Variants in E4F1 observed in about 807,000 individuals in gnomAD.
E4F1 encodes transcription factor E4F1.
E4F1 carries 30 observed loss-of-function variants against 72.9 expected under a neutral mutation model. That is an observed-to-expected ratio of 0.41 (90% CI 0.31 to 0.56). The LOEUF is 0.56. Ranked by LOEUF, E4F1 falls within the 20% of genes least tolerant of loss-of-function variation. The pLI is 0.25. For missense variants in E4F1, 1,091 were observed against 1,117.5 expected (o/e 0.98, Z 0.34); for synonymous variants, 542 against 478.2 (o/e 1.13, Z -1.74).
chr16:2,233,359 C>T, intron 7 of E4F1, 79 bp from the exon 8 acceptor site: 9 of 1,434,606 alleles, frequency 6.3e-6, no homozygotes, highest in Non-Finnish European at 8.3e-6. Flanking sequence ...CACAAGGCTC[C>T]TGGCGTGCGT....
In E4F1 at chr16:2,235,495, G is replaced by A. The variant is rs1174917633; in HGVS notation, c.2278G>A (p.Glu760Lys). 1 of 1,610,476 alleles carries A rather than the reference G, an allele frequency of 6.2e-7. No individual in the cohort carries two copies. Among genetic ancestry groups the A allele is most frequent in the Non-Finnish European group, 8.5e-7 (1 of 1,178,192 alleles). The change falls in exon 14 of 14, where the codon GAG (glutamate) becomes AAG (lysine). Residue 760 changes from glutamate (E) to lysine (K), a missense_variant. Physicochemically the swap from Glu to Lys is moderately conservative, Grantham distance 56. This residue lies in a region of E4F1 where 622 missense variants were observed against 628.0 expected (regional missense o/e 0.99). Coordinates refer to ENST00000301727, the MANE Select transcript of E4F1 (RefSeq NM_004424.5). ...TVTMVSSEDIEILEHAGELVI... is the reference protein window; with the variant it reads ...TVTMVSSEDIKILEHAGELVI... Reference sequence around the variant, plus strand: ...GACCATGGTGTCATCAGAGGACATCGAGATCCTGGAGCATGCAGGCGAGCT... The same window carrying A: ...GACCATGGTGTCATCAGAGGACATCAAGATCCTGGAGCATGCAGGCGAGCT...
In E4F1 at chr16:2,232,298, G is replaced by C. The variant is rs753059691; in HGVS notation, c.543G>C (p.Gln181His). Reference sequence around the variant, plus strand: ...TCGCAGGGGAGGGTGAGCAGGCCCAGGTGAAGCTACTGGTGAACAAGGATG... The same window carrying C: ...TCGCAGGGGAGGGTGAGCAGGCCCACGTGAAGCTACTGGTGAACAAGGATG... The part of the protein sequence containing the change: ...LGLAGEGEQA[Q>H]VKLLVNKDGR... Residue 181 changes from glutamine to histidine, a missense_variant, in exon 4 of 14, where the codon CAG (glutamine) becomes CAC (histidine). Coordinates refer to ENST00000301727, the MANE Select transcript of E4F1 (RefSeq NM_004424.5). 2.0e-5 allele frequency: 32 copies of C among 1,611,426 alleles called. 1 individual carries two copies. The East Asian group carries it at 6.7e-4, about 34-fold the overall frequency.
rs576565106 is a variant in E4F1, at chr16:2,233,048, A to G, written c.921A>G (p.Thr307=). ...GAGAAGLGTA[T]SSVTGEPIET... ...GAGCTGCCGGCTTGGGGACAGCCAC[A>G]TCATCGGTGACAGGCGAGCCTATAG... The change falls in exon 7 of 14, where the codon ACA becomes ACG. Residue 307 remains threonine (T), a synonymous_variant. Transcript: ENST00000301727. The G allele has an allele frequency of 1.2e-6, 2 of 1,610,434 alleles. No individual in the cohort carries two copies. Among genetic ancestry groups the G allele is most frequent in the African/African-American group, 1.3e-5 (1 of 74,994 alleles).
At chr16:2,224,079 C>T in intron 1 of E4F1, 1 of 954,028 alleles carries the variant, frequency 1.0e-6, no homozygotes, top group Non-Finnish European at 1.5e-6. Context: ...TCTCTGCCTC[C>T]GATGCCTGAG....
chr16:2,229,774 A>C, intron 3 of E4F1, 99 bp downstream of exon 3: 1 of 1,362,922 alleles, frequency 7.3e-7, no homozygotes, highest in Non-Finnish European at 1.0e-6. Flanking sequence ...TCCCGAGACC[A>C]GGGCCTGGCT....
intron 2 of E4F1, 118 bp downstream of exon 2, chr16:2,228,641 G>A (rs2093447165): frequency 3.1e-6 from 4 of 1,309,608 alleles, no homozygotes; most frequent in African/African-American, 2.9e-5. Context: ...GCGGGCAGAG[G>A]GCAGGCACCT....
intron 3 of E4F1, 31 bp from the exon 4 acceptor site, chr16:2,232,140 C>T (rs1372405321): frequency 6.2e-7 from 1 of 1,604,624 alleles, no homozygotes; most frequent in Non-Finnish European, 8.5e-7. Context: ...AGGGGCAGGT[C>T]CTGGGGCTTA....
At position 2,235,635 on chromosome 16, in the gene E4F1, A is replaced by G. The variant is rs1333126483; in HGVS notation, c.*63A>G. ...GCAGAGGACTCTGAGCGCCCCACCC[A>G]TGCCTGCCTGGCCTGGTAGAGAAGA... is the stretch of plus-strand genomic sequence containing the variant. On this transcript the variant is annotated 3_prime_UTR_variant, in exon 14 of 14. Coordinates refer to ENST00000301727, the MANE Select transcript of E4F1 (RefSeq NM_004424.5). The G allele has an allele frequency of 3.5e-6, 5 of 1,410,724 alleles. No homozygotes were observed. The highest frequency in any genetic ancestry group is 2.5e-5 in the East Asian group (1 of 40,800). 87.4% of individuals were successfully genotyped at this position (1,410,724 alleles called of 1,614,324 possible). A position where few individuals can be genotyped will look rare whatever the true frequency, so the allele number is the denominator to read the frequency against.
In E4F1 at chr16:2,233,112, G is replaced by A. The variant is rs1339314876; in HGVS notation, c.985G>A (p.Gly329Ser). 1.9e-6 allele frequency: 3 copies of A among 1,612,420 alleles called. No homozygotes were observed. In the African/African-American group the frequency reaches 4.0e-5, roughly 22 times the overall value. Residue 329 changes from glycine to serine, a missense_variant, in exon 7 of 14, where the codon GGC becomes AGC. Coordinates refer to ENST00000301727, the MANE Select transcript of E4F1 (RefSeq NM_004424.5). ...PVIHLVTDAK[G>S]TVIHEVHVQM... Reference sequence around the variant, plus strand: ...GATTCACCTGGTGACAGATGCCAAGGGCACCGTCATCCACGAAGTCCACGT... The same window carrying A: ...GATTCACCTGGTGACAGATGCCAAGAGCACCGTCATCCACGAAGTCCACGT...
intron 10 of E4F1, 31 bp downstream of exon 10, chr16:2,234,419 T>A: frequency 6.2e-7 from 1 of 1,609,278 alleles, no homozygotes; most frequent in East Asian, 2.2e-5. Context: ...CCCTGGCGCC[T>A]GATCCCCCCA....
chr16:2,229,903 G>A, intron 3 of E4F1: 1 of 527,160 alleles, frequency 1.9e-6, no homozygotes, highest in Admixed American at 3.1e-5. Context: ...CCAGGCACCA[G>A]GGAGTCATTG....
intron 3 of E4F1, 159 bp from the exon 4 acceptor site, chr16:2,232,012 G>C: frequency 1.2e-6 from 1 of 849,336 alleles, no homozygotes; most frequent in Non-Finnish European, 1.8e-6. Flanking sequence ...GAGGTGAATG[G>C]GACCTTGGCT....
At chr16:2,229,368 G>GC (rs955333651) in intron 2 of E4F1, among the ~76,000 whole-genome samples, 2 of 152,218 alleles carry the variant, frequency 1.3e-5, no homozygotes, top group African/African-American at 4.8e-5. Context: ...CTGGCCCGGG[G>GC]GTGAAGGGAT....
rs1319233873 is a variant in E4F1 at position 2,234,943 on chromosome 16, A to G, written c.1877A>G (p.His626Arg). 4 of 1,581,012 alleles carry G rather than the reference A, an allele frequency of 2.5e-6. No individual in the cohort carries two copies. The highest frequency in any genetic ancestry group is 2.6e-6 in the Non-Finnish European group (3 of 1,163,384). ...ACCACCGTCCTCACGGAAGACCCGC[A>G]CACAGTGTTGGTGGAGTTCTCGTCC... ...AATTVLTEDPHTVLVEFSSVV... is the reference protein window; with the variant it reads ...AATTVLTEDPRTVLVEFSSVV... The change falls in exon 12 of 14, where the codon CAC becomes CGC. Residue 626 changes from histidine (H) to arginine (R), a missense_variant. His to Arg is a conservative substitution (Grantham distance 29). This residue lies in a region of E4F1 where 622 missense variants were observed against 628.0 expected (regional missense o/e 0.99). Transcript: ENST00000301727.
At chr16:2,234,481 G>T in intron 10 of E4F1, 93 bp downstream of exon 10, 1 of 1,567,530 alleles carries the variant, frequency 6.4e-7, no homozygotes, top group South Asian at 1.1e-5. Flanking sequence ...CCTCCACCAT[G>T]CTCAGTCTTG....
At chr16:2,224,064 G>C in intron 1 of E4F1, 1 of 1,039,194 alleles carries the variant, frequency 9.6e-7, no homozygotes, top group Non-Finnish European at 1.3e-6. Flanking sequence ...CGGCGTCCCG[G>C]CCCTTCTCTG....
intron 3 of E4F1, 165 bp from the exon 4 acceptor site, chr16:2,232,006 T>G: frequency 1.2e-6 from 1 of 800,568 alleles, no homozygotes; most frequent in Non-Finnish European, 2.0e-6. Flanking sequence ...CCTGGAGAGG[T>G]GAATGGGACC....
chr16:2,229,543 T>C, intron 2 of E4F1, 27 bp from the exon 3 acceptor site: 1 of 1,602,190 alleles, frequency 6.2e-7, no homozygotes, highest in Non-Finnish European at 8.5e-7. Context: ...TACAGACGAC[T>C]CCCCTGTTTT....
intron 1 of E4F1, among the ~76,000 whole-genome samples, chr16:2,228,053 T>C (rs879263595): frequency 1.1e-4 from 17 of 152,192 alleles, no homozygotes; most frequent in Admixed American, 3.9e-4. Context: ...GCCTCTCGCC[T>C]GTCAGTCGCT....
Sources: allele counts gnomAD v4.1 joint callset (sites outside exome capture counted in the v4.1 genomes callset), GRCh38; gene constraint gnomAD v4.1.1; regional missense constraint gnomAD v4.1.1; transcripts MANE v1.5; gene names NCBI Gene and HGNC (gene_info 2026-07-23, HGNC 2026-07-21).